PTPRG: variants seen among roughly 807,000 people sequenced by gnomAD.
The protein encoded by PTPRG is receptor-type tyrosine-protein phosphatase gamma.
Under a neutral mutation model 165.3 loss-of-function variants are expected in PTPRG, and 102 were observed. That is an observed-to-expected ratio of 0.62 (90% CI 0.53 to 0.73). The LOEUF (loss-of-function observed/expected upper bound fraction) is 0.73, where lower values mean the gene tolerates loss of function less well. Among genes scored for constraint, PTPRG ranks in the 30% least tolerant of loss-of-function variants. The pLI is 0.00. For missense variants in PTPRG, 1,866 were observed against 1,861.4 expected (o/e 1.00, Z -0.05); for synonymous variants, 675 against 669.5 (o/e 1.01, Z -0.13).
intron 4 of PTPRG, among the ~76,000 whole-genome samples, chr3:62,063,252 G>C (rs974168989): frequency 6.6e-6 from 1 of 152,170 alleles, no homozygotes. Flanking sequence ...ATTTTCCAGA[G>C]AATTGATAGA....
intron 15 of PTPRG, among the ~76,000 whole-genome samples, 160 bp downstream of exon 15, chr3:62,244,058 A>C (rs1000231145): frequency 2.6e-5 from 4 of 152,240 alleles, no homozygotes; most frequent in African/African-American, 9.6e-5. Flanking sequence ...AATGTAGTAT[A>C]CAGTCATAGG....
intron 8 of PTPRG, 107 bp downstream of exon 8, chr3:62,168,270 G>A (rs1576088272): frequency 2.8e-6 from 3 of 1,084,220 alleles, no homozygotes; most frequent in African/African-American, 1.6e-5. Flanking sequence ...GGTGTTAAAT[G>A]CATATGTTTC....
chr3:61,619,818 A>T (rs1575542549), intron 1 of PTPRG, among the ~76,000 whole-genome samples: 1 of 152,170 alleles, frequency 6.6e-6, no homozygotes, highest in Admixed American at 6.5e-5. Context: ...GGATTTGTTT[A>T]TGGGCTTTGG....
intron 2 of PTPRG, among the ~76,000 whole-genome samples, chr3:61,829,638 A>G (rs2107287077): frequency 6.6e-6 from 1 of 152,366 alleles, no homozygotes; most frequent in African/African-American, 2.4e-5. Context: ...GTTGTCAGGG[A>G]GAGTGTATTA....
chr3:62,230,292 G>A (rs560165564), intron 13 of PTPRG, among the ~76,000 whole-genome samples: 16 of 152,318 alleles, frequency 1.1e-4, no homozygotes, highest in African/African-American at 3.6e-4. Context: ...ATTCCTAGAA[G>A]TGAAAAACCA....
chr3:62,028,925 G>A (rs1699672140), intron 4 of PTPRG, among the ~76,000 whole-genome samples: 1 of 152,164 alleles, frequency 6.6e-6, no homozygotes. Flanking sequence ...CTCACTGAGA[G>A]TCCTTTGGCC....
chr3:61,593,716 A>T (rs1187188650), intron 1 of PTPRG, among the ~76,000 whole-genome samples: 4 of 51,216 alleles, frequency 7.8e-5, no homozygotes, highest in African/African-American at 2.0e-4. Context: ...TGGAAAAAAA[A>T]AAAAAAAGAA....
At chr3:61,884,642 T>A (rs1486930994) in intron 2 of PTPRG, among the ~76,000 whole-genome samples, 1 of 152,204 alleles carries the variant, frequency 6.6e-6, no homozygotes, top group Non-Finnish European at 1.5e-5. Flanking sequence ...CTGGCAATGG[T>A]TTGATGTGTT....
At chr3:61,786,525 T>C (rs1236455921) in intron 2 of PTPRG, among the ~76,000 whole-genome samples, 4 of 152,266 alleles carry the variant, frequency 2.6e-5, no homozygotes, top group East Asian at 1.9e-4. Flanking sequence ...GTAACTATTA[T>C]AGGAATTCAA....
chr3:62,166,906 A>G (rs1422275179), intron 7 of PTPRG, among the ~76,000 whole-genome samples: 3 of 150,826 alleles, frequency 2.0e-5, no homozygotes, highest in Non-Finnish European at 4.4e-5. Context: ...CTACTCTCCA[A>G]CTCCTGGGTT....
chr3:62,076,302 T>C (rs1449453891), intron 4 of PTPRG, among the ~76,000 whole-genome samples: 1 of 151,884 alleles, frequency 6.6e-6, no homozygotes, highest in African/African-American at 2.4e-5. Context: ...AAAATACATA[T>C]GTATATATGG....
Position 62,207,162 on chromosome 3 carries a change from G to A in PTPRG, c.2155+3212G>A, listed in dbSNP as rs973186849. Among the ~76,000 whole-genome samples the A allele has an allele frequency of 2.6e-5, 4 of 152,200 alleles. No individual in the cohort carries two copies. In the South Asian group the frequency reaches 8.3e-4, roughly 31 times the overall value. The stretch of plus-strand genomic sequence containing the variant: ...TGTTTTTCAGTTTTGCAGGCCACAG[G>A]TCTCTGCTGCAGCTACTTAATTCTG... On this transcript the variant is annotated intron_variant, in intron 12 of 29. Transcript: ENST00000474889.
intron 21 of PTPRG, among the ~76,000 whole-genome samples, chr3:62,272,702 G>C (rs578178710): frequency 1.1e-4 from 17 of 152,128 alleles, no homozygotes; most frequent in Non-Finnish European, 2.1e-4. Flanking sequence ...GTCGGGTGTA[G>C]TGGTACACAT....
At chr3:61,649,497 A>T (rs1037639834) in intron 1 of PTPRG, among the ~76,000 whole-genome samples, 1 of 152,184 alleles carries the variant, frequency 6.6e-6, no homozygotes, top group African/African-American at 2.4e-5. Context: ...CAGAAGTGGA[A>T]AAACAAGTGA....
At chr3:61,806,784 G>A (rs1473352334) in intron 2 of PTPRG, among the ~76,000 whole-genome samples, 2 of 152,170 alleles carry the variant, frequency 1.3e-5, no homozygotes, top group African/African-American at 4.8e-5. Context: ...TAAAACCAGT[G>A]TCTACAATCT....
intron 1 of PTPRG, among the ~76,000 whole-genome samples, chr3:61,565,632 G>A: frequency 6.7e-6 from 1 of 149,616 alleles, no homozygotes; most frequent in South Asian, 2.2e-4. Context: ...ATTGATTTTT[G>A]TCTTTCGGCC....
At chr3:62,133,951 C>G (rs879043770) in intron 6 of PTPRG, among the ~76,000 whole-genome samples, 1 of 152,040 alleles carries the variant, frequency 6.6e-6, no homozygotes, top group Non-Finnish European at 1.5e-5. Context: ...CCATTGCACT[C>G]CAGCCTGGAC....
chr3:61,916,832 C>T (rs1335536559), intron 2 of PTPRG, among the ~76,000 whole-genome samples: 1 of 152,162 alleles, frequency 6.6e-6, no homozygotes, highest in Admixed American at 6.5e-5. Flanking sequence ...ATGGTGGCTC[C>T]ATTTCCATTA....
At chr3:61,959,862 T>C (rs532568506) in intron 2 of PTPRG, among the ~76,000 whole-genome samples, 3 of 152,164 alleles carry the variant, frequency 2.0e-5, no homozygotes, top group Admixed American at 6.6e-5. Context: ...CTTTGCCCTT[T>C]AAGAGAATGG....
Sources: allele counts gnomAD v4.1 joint callset (sites outside exome capture counted in the v4.1 genomes callset), GRCh38; gene constraint gnomAD v4.1.1; transcripts MANE v1.5; gene names NCBI Gene and HGNC (gene_info 2026-07-23, HGNC 2026-07-21).